The following ASXL2 variants were observed in gnomAD, a reference collection of about 807,000 sequenced individuals.
ASXL2 encodes ASXL transcriptional regulator 2, also known as putative Polycomb group protein ASXL2.
In ASXL2, 23 loss-of-function variants were observed where a neutral mutation model predicts 122.0. The observed-to-expected ratio is 0.19, with a 90% CI of 0.14 to 0.27. ASXL2 has a LOEUF of 0.27. ASXL2 is among the 10% of genes least tolerant of loss of function. The pLI is 1.00. For missense variants in ASXL2, 1,518 were observed against 1,713.8 expected (o/e 0.89, Z 2.02); for synonymous variants, 650 against 637.0 (o/e 1.02, Z -0.31).
rs2087798104 is a variant in ASXL2, at chr2:25,739,877, G to GCAGACCA, written c.*2145_*2151dup. 4.6e-6 allele frequency: 1 copy of GCAGACCA among 218,744 alleles called. No individual in the cohort carries two copies. Among genetic ancestry groups the GCAGACCA allele is most frequent in the African/African-American group, 2.2e-5 (1 of 44,550 alleles). 13.6% of individuals were successfully genotyped at this position (218,744 alleles called of 1,614,324 possible). On this transcript the variant is annotated 3_prime_UTR_variant, in exon 13 of 13. Coordinates refer to ENST00000435504, the MANE Select transcript of ASXL2 (RefSeq NM_018263.6). Reference sequence around the variant, plus strand: ...CAAAACTCTCAACCTCTTCCAGCATGCAGACCAGCCCTCGGCCCTGGCACT... The same window carrying GCAGACCA: ...CAAAACTCTCAACCTCTTCCAGCATGCAGACCACAGACCAGCCCTCGGCCCTGGCACT...
intron 1 of ASXL2, chr2:25,856,730 C>G: frequency 7.7e-7 from 1 of 1,304,552 alleles, no homozygotes; most frequent in Non-Finnish European, 1.1e-6. Context: ...CCGAGCCGAT[C>G]TGGTTGACCT....
chr2:25,771,320 A>T (rs767256905), intron 6 of ASXL2, 120 bp downstream of exon 6: 18 of 785,176 alleles, frequency 2.3e-5, no homozygotes, highest in Non-Finnish European at 3.2e-5. Flanking sequence ...CTACTGCATG[A>T]AAGTTCCACT....
At chr2:25,852,823 A>AAT (rs1289249628) in intron 1 of ASXL2, among the ~76,000 whole-genome samples, 1 of 152,222 alleles carries the variant, frequency 6.6e-6, no homozygotes, top group Non-Finnish European at 1.5e-5. Context: ...ATAACAACAG[A>AAT]AATGTATCCC....
intron 2 of ASXL2, among the ~76,000 whole-genome samples, chr2:25,838,986 G>A (rs756946090): frequency 6.6e-6 from 1 of 152,216 alleles, no homozygotes; most frequent in Admixed American, 6.5e-5. Context: ...CAACACATGA[G>A]CTGTAATAAT....
At chr2:25,799,565 A>G (rs1337418457) in intron 4 of ASXL2, 30 bp from the exon 5 acceptor site, 11 of 1,577,386 alleles carry the variant, frequency 7.0e-6, no homozygotes, top group Non-Finnish European at 9.5e-6. Context: ...ATTAGGATTA[A>G]TCATTACCAT....
At chr2:25,827,937 A>G (rs1467863692) in intron 3 of ASXL2, among the ~76,000 whole-genome samples, 1 of 152,158 alleles carries the variant, frequency 6.6e-6, no homozygotes, top group Non-Finnish European at 1.5e-5. Flanking sequence ...ACACCTAACT[A>G]TAAACCTTCA....
intron 5 of ASXL2, among the ~76,000 whole-genome samples, chr2:25,776,736 T>G (rs2088553035): frequency 6.6e-6 from 1 of 152,210 alleles, no homozygotes; most frequent in African/African-American, 2.4e-5. Flanking sequence ...AATATTTTCT[T>G]AACAACGTCT....
chr2:25,850,510 G>C (rs900403074), intron 1 of ASXL2, among the ~76,000 whole-genome samples: 8 of 152,188 alleles, frequency 5.3e-5, no homozygotes, highest in Non-Finnish European at 1.0e-4. Context: ...GGCTTGCTCA[G>C]ATTCAGATTT....
intron 3 of ASXL2, among the ~76,000 whole-genome samples, chr2:25,812,647 T>C (rs939517930): frequency 2.6e-5 from 4 of 152,294 alleles, no homozygotes; most frequent in Middle Eastern, 3.4e-3. Flanking sequence ...TTGGGACCAC[T>C]GATGCAACAA....
At position 25,743,143 on chromosome 2, in the gene ASXL2, T is replaced by C. The variant is rs1559497913; in HGVS notation, c.3194A>G (p.Gln1065Arg). The C allele has an allele frequency of 6.2e-7, 1 of 1,614,022 alleles. No individual in the cohort carries two copies. The highest frequency in any genetic ancestry group is 8.5e-7 in the Non-Finnish European group (1 of 1,179,890). The change falls in exon 13 of 13, where the codon CAG (glutamine) becomes CGG (arginine). Residue 1065 changes from glutamine (Q) to arginine (R), a missense_variant. This residue lies in a region of ASXL2 where 831 missense variants were observed against 833.1 expected (regional missense o/e 1.00). Coordinates refer to ENST00000435504, the MANE Select transcript of ASXL2 (RefSeq NM_018263.6). The part of the protein sequence containing the change: ...HEGLSKATQD[Q>R]ILQTLIQRVR... ...CCTCTGAATGAGAGTCTGAAGGATC[T>C]GATCTTGGGTTGCTTTACTTAGTCC... is the stretch of plus-strand genomic sequence containing the variant.
chr2:25,760,595 T>A (rs1247162092), intron 8 of ASXL2, among the ~76,000 whole-genome samples: 3 of 152,212 alleles, frequency 2.0e-5, no homozygotes, highest in African/African-American at 7.2e-5. Flanking sequence ...AATTCTACAT[T>A]TTGAATTGCT....
intron 5 of ASXL2, among the ~76,000 whole-genome samples, chr2:25,782,611 T>C (rs1238071235): frequency 6.6e-6 from 1 of 152,118 alleles, no homozygotes; most frequent in African/African-American, 2.4e-5. Flanking sequence ...ATAGTGGACA[T>C]CTTGTTCTTG....
At chr2:25,865,730 G>A (rs1463495581) in intron 1 of ASXL2, among the ~76,000 whole-genome samples, 16 of 126,972 alleles carry the variant, frequency 1.3e-4, no homozygotes, top group Admixed American at 1.3e-3. Context: ...AGCCGAGATC[G>A]CGCCACTGGA....
At chr2:25,752,339 T>TG (rs533744012) in intron 11 of ASXL2, among the ~76,000 whole-genome samples, 22 of 152,158 alleles carry the variant, frequency 1.4e-4, no homozygotes, top group African/African-American at 4.6e-4. Flanking sequence ...GATCTTTTGT[T>TG]GGGGGGGAAA....
At chr2:25,866,890 G>A (rs976875241) in intron 1 of ASXL2, among the ~76,000 whole-genome samples, 13 of 151,288 alleles carry the variant, frequency 8.6e-5, no homozygotes, top group Non-Finnish European at 1.6e-4. Context: ...GCGCCACCAC[G>A]TCCAGCTAAT....
At chr2:25,772,763 T>C (rs1224668237) in intron 5 of ASXL2, among the ~76,000 whole-genome samples, 1 of 129,156 alleles carries the variant, frequency 7.7e-6, no homozygotes, top group African/African-American at 2.8e-5. Context: ...AAAAGGTACA[T>C]ACGTTCTGTA....
intron 10 of ASXL2, among the ~76,000 whole-genome samples, chr2:25,755,504 C>A (rs2088116137): frequency 6.6e-6 from 1 of 152,194 alleles, no homozygotes; most frequent in South Asian, 2.1e-4. Context: ...ATTAACTGTC[C>A]ATTTCAAATG....
At chr2:25,754,679 TA>T (rs35860666) in intron 10 of ASXL2, among the ~76,000 whole-genome samples, 125 of 149,554 alleles carry the variant, frequency 8.4e-4, no homozygotes, top group African/African-American at 2.9e-3. Context: ...GCTTGCATGT[TA>T]AAAAAAAAAG....
At chr2:25,785,919 A>G (rs975296516) in intron 5 of ASXL2, among the ~76,000 whole-genome samples, 1 of 152,198 alleles carries the variant, frequency 6.6e-6, no homozygotes, top group Non-Finnish European at 1.5e-5. Context: ...TTATGATACC[A>G]AATTTTAACA....
Sources: allele counts gnomAD v4.1 joint callset (sites outside exome capture counted in the v4.1 genomes callset), GRCh38; gene constraint gnomAD v4.1.1; regional missense constraint gnomAD v4.1.1; transcripts MANE v1.5; gene names NCBI Gene and HGNC (gene_info 2026-07-23, HGNC 2026-07-21).